The following LARP4B variants were observed in gnomAD, a reference collection of about 807,000 sequenced individuals.
The protein encoded by LARP4B is La ribonucleoprotein 4B, also known as la-related protein 4B.
LARP4B carries 12 observed loss-of-function variants against 89.8 expected under a neutral mutation model. The ratio of observed to expected loss-of-function variants is 0.13; its 90% CI spans 0.09 to 0.22. LARP4B has a LOEUF of 0.22. Among genes scored for constraint, LARP4B ranks in the 10% least tolerant of loss-of-function variants. The pLI is 1.00. For missense variants in LARP4B, 757 were observed against 947.7 expected, an observed-to-expected ratio of 0.80 and a Z score of 2.64; for synonymous variants, 367 against 363.3, an observed-to-expected ratio of 1.01 and a Z score of -0.12.
chr10:844,876 T>C lies in LARP4B; in HGVS notation c.509+101A>G, dbSNP rs1391186606. ...GTCTTCATATACATATATATGGATATGAGTAGATACTCCTTCATAAAATAT... is the reference window on the plus strand; with the variant it reads ...GTCTTCATATACATATATATGGATACGAGTAGATACTCCTTCATAAAATAT... On this transcript the variant is annotated intron_variant, in intron 6 of 17. Transcript: ENST00000316157. 8 of 786,342 alleles carry C rather than the reference T, an allele frequency of 1.0e-5. No individual in the cohort carries two copies. In the Admixed American group the frequency reaches 1.3e-4, roughly 12 times the overall value. The allele number at this position is 786,342 out of a possible 1,614,324, so 48.7% of individuals were successfully genotyped here.
chr10:988,087 C>CCCCG, the LARP4B span: 1 of 183,128 alleles, frequency 5.5e-6, no homozygotes, highest in South Asian at 9.1e-5. Flanking sequence ...GACTCCTAAG[C>CCCCG]CCCGCAACTC....
the LARP4B span, among the ~76,000 whole-genome samples, chr10:964,128 G>T: frequency 6.6e-6 from 1 of 152,160 alleles, no homozygotes; most frequent in East Asian, 1.9e-4. Flanking sequence ...GTGCAGTGGC[G>T]TGATCTCTGC....
chr10:875,845 A>C (rs1238123937), intron 3 of LARP4B, among the ~76,000 whole-genome samples: 3 of 152,220 alleles, frequency 2.0e-5, no homozygotes, highest in Non-Finnish European at 2.9e-5. Context: ...TGAAAAACAC[A>C]GCATTCCATT....
chr10:936,320 A>C (rs1474842356), upstream of LARP4B, among the ~76,000 whole-genome samples: 1 of 152,114 alleles, frequency 6.6e-6, no homozygotes, highest in African/African-American at 2.4e-5. Context: ...AGCGGGGTCC[A>C]AGCCAACTTA....
chr10:894,975 A>T (rs1312677418), intron 1 of LARP4B, among the ~76,000 whole-genome samples: 2 of 152,162 alleles, frequency 1.3e-5, no homozygotes, highest in Non-Finnish European at 2.9e-5. Context: ...GCCTGAGCTC[A>T]GGAGTTTGCG....
At chr10:849,223 G>T (rs960186261) in intron 5 of LARP4B, among the ~76,000 whole-genome samples, 10 of 152,130 alleles carry the variant, frequency 6.6e-5, no homozygotes, top group African/African-American at 2.4e-4. Flanking sequence ...AACAGAACAC[G>T]TCTAGCACTC....
At chr10:937,599 C>A in the LARP4B span, among the ~76,000 whole-genome samples, 2 of 152,166 alleles carry the variant, frequency 1.3e-5, no homozygotes, top group Non-Finnish European at 2.9e-5. Flanking sequence ...CCCCCTCCCC[C>A]ACACCACTAT....
At chr10:918,949 C>T (rs1242559552) in intron 1 of LARP4B, among the ~76,000 whole-genome samples, 1 of 151,854 alleles carries the variant, frequency 6.6e-6, no homozygotes, top group African/African-American at 2.4e-5. Context: ...GGCGTGGTGG[C>T]GGGCGCCTGT....
the LARP4B span, among the ~76,000 whole-genome samples, chr10:959,220 G>C: frequency 1.3e-4 from 20 of 152,276 alleles, no homozygotes; most frequent in Non-Finnish European, 2.5e-4. Context: ...TGGGCTGCAG[G>C]GGTGTGGAAA....
chr10:897,203 G>GA (rs2131974568), intron 1 of LARP4B, among the ~76,000 whole-genome samples: 1 of 152,218 alleles, frequency 6.6e-6, no homozygotes, highest in South Asian at 2.1e-4. Flanking sequence ...CAATAGAAAC[G>GA]AGAGTCCAGA....
chr10:931,239 G>A (rs905728519), intron 1 of LARP4B, among the ~76,000 whole-genome samples, 189 bp downstream of exon 1: 2 of 140,946 alleles, frequency 1.4e-5, no homozygotes, highest in African/African-American at 5.3e-5. Context: ...GGCCCTTCCC[G>A]TGCCCTAGCC....
chr10:963,491 G>C, the LARP4B span, among the ~76,000 whole-genome samples: 8 of 152,148 alleles, frequency 5.3e-5, no homozygotes, highest in Non-Finnish European at 1.0e-4. Context: ...GTTCTCCTGG[G>C]GGCTTTTGGA....
At chr10:825,900 TA>T (rs759705955) in intron 11 of LARP4B, 30 bp from the exon 12 acceptor site, 1 of 1,428,808 alleles carries the variant, frequency 7.0e-7, no homozygotes, top group African/African-American at 1.4e-5. Context: ...GACAAGTAAA[TA>T]AACCATAAAA....
rs1402842698 is a variant in LARP4B at position 931,470 on chromosome 10, C to T, written c.-82G>A. On this transcript the variant is annotated 5_prime_UTR_variant, in exon 1 of 18. Coordinates refer to ENST00000316157, the MANE Select transcript of LARP4B (RefSeq NM_015155.3). Reference sequence around the variant, plus strand: ...CCGCCCGACCGGCCGCCCGCGGGCTCCTCGCCTCAACCCCGGGGCCCGGCG... The same window carrying T: ...CCGCCCGACCGGCCGCCCGCGGGCTTCTCGCCTCAACCCCGGGGCCCGGCG... The T allele has an allele frequency of 1.3e-5, 2 of 148,630 alleles. No homozygotes were observed. Among genetic ancestry groups the T allele is most frequent in the Non-Finnish European group, 3.0e-5 (2 of 66,568 alleles). 9.2% of individuals were successfully genotyped at this position (148,630 alleles called of 1,614,324 possible).
Position 894,151 on chromosome 10 carries a change from T to C in LARP4B, c.-39-8391A>G, listed in dbSNP as rs114138942. On this transcript the variant is annotated intron_variant, in intron 1 of 17. Transcript: ENST00000316157. ...GGTTTCCAAATGGTTAAGTGAGACATTGACTGAAGCTATTTTTCAGTATTA... is the reference window on the plus strand; with the variant it reads ...GGTTTCCAAATGGTTAAGTGAGACACTGACTGAAGCTATTTTTCAGTATTA... 2.8e-3 allele frequency among the ~76,000 whole-genome samples: 429 copies of C among 152,338 alleles called. 2 individuals carry two copies. Among genetic ancestry groups the C allele is most frequent in the African/African-American group, 8.4e-3 (348 of 41,574 alleles).
At chr10:820,771 G>A (rs1168705701) in intron 14 of LARP4B, 29 bp downstream of exon 14, 1 of 1,576,410 alleles carries the variant, frequency 6.3e-7, no homozygotes, top group Non-Finnish European at 8.7e-7. Flanking sequence ...TAAATGTCTT[G>A]TGAAGAGGTA....
rs183226254 is a variant in LARP4B, at chr10:881,213, G to A, written c.141+3234C>T. Reference sequence around the variant, plus strand: ...TCAAGAAGGAGAACCCATCGCTGTGGCCCACTGCCAGTGGTCACTCTTCAT... The same window carrying A: ...TCAAGAAGGAGAACCCATCGCTGTGACCCACTGCCAGTGGTCACTCTTCAT... On this transcript the variant is annotated intron_variant, in intron 3 of 17. Coordinates refer to ENST00000316157, the MANE Select transcript of LARP4B (RefSeq NM_015155.3). Among the ~76,000 whole-genome samples the A allele has an allele frequency of 2.4e-3, 364 of 152,222 alleles. 2 individuals carry two copies. Among genetic ancestry groups the A allele is most frequent in the African/African-American group, 7.9e-3 (328 of 41,544 alleles).
the LARP4B span, among the ~76,000 whole-genome samples, chr10:943,593 C>T: frequency 0.11 from 17,039 of 152,192 alleles, 1,103 homozygotes; most frequent in South Asian, 0.14. Flanking sequence ...CCACATAGGG[C>T]CAGTTTTCAG....
rs552950004 is a variant in LARP4B, at chr10:822,004, T to C, written c.1485-1159A>G. On this transcript the variant is annotated intron_variant, in intron 13 of 17. Transcript: ENST00000316157. The surrounding 1 kb of genome is among the most constrained non-coding windows in gnomAD (Gnocchi z 4.6). Reference sequence around the variant, plus strand: ...TTGTCCTGGATCCATGCCTGTGGCCTCACAGGGAGAGAGGGTCCTGGGCCT... The same window carrying C: ...TTGTCCTGGATCCATGCCTGTGGCCCCACAGGGAGAGAGGGTCCTGGGCCT... 6.6e-6 allele frequency among the ~76,000 whole-genome samples: 1 copy of C among 152,278 alleles called. No homozygotes were observed. The highest frequency in any genetic ancestry group is 1.9e-4 in the East Asian group (1 of 5,178).
Sources: gnomAD v4.1 joint callset for allele counts (sites outside exome capture counted in the v4.1 genomes callset) on GRCh38, gnomAD v4.1.1 for gene constraint, Gnocchi (gnomAD v3.1) non-coding constraint, MANE v1.5 for transcripts, NCBI Gene and HGNC (gene_info 2026-07-23, HGNC 2026-07-21) for gene names.